Variants in METTL15 observed in about 807,000 individuals in gnomAD.
The protein encoded by METTL15 is 12S rRNA N(4)-cytidine methyltransferase METTL15.
Under a neutral mutation model 38.3 loss-of-function variants are expected in METTL15, and 34 were observed. The observed-to-expected ratio is 0.89, with a 90% CI of 0.68 to 1.18. METTL15 has a LOEUF of 1.18. Ranked by LOEUF, METTL15 falls within the 50% of genes most tolerant of loss-of-function variation. The pLI is 0.00. For missense variants in METTL15, 438 were observed against 498.4 expected, an observed-to-expected ratio of 0.88 and a Z score of 1.15; for synonymous variants, 162 against 170.9, an observed-to-expected ratio of 0.95 and a Z score of 0.41.
At chr11:28,168,051 A>G (rs1399766344) in intron 3 of METTL15, among the ~76,000 whole-genome samples, 4 of 152,218 alleles carry the variant, frequency 2.6e-5, no homozygotes, top group African/African-American at 4.8e-5. Flanking sequence ...TTATTTTTAT[A>G]TACATTTAGG....
intron 5 of METTL15, among the ~76,000 whole-genome samples, chr11:28,366,828 A>G (rs977305538): frequency 6.6e-6 from 1 of 152,204 alleles, no homozygotes; most frequent in Non-Finnish European, 1.5e-5. Context: ...TGCCCCAGCC[A>G]TCATTCCTCC....
At chr11:28,472,246 G>A (rs75195537) in intron 6 of METTL15, among the ~76,000 whole-genome samples, 5,827 of 152,164 alleles carry the variant, frequency 0.038, 374 homozygotes, top group African/African-American at 0.13. Context: ...AATACTAGAG[G>A]CCAAGCATGA....
chr11:28,394,826 A>G (rs1176294171), intron 5 of METTL15, among the ~76,000 whole-genome samples: 6 of 152,120 alleles, frequency 3.9e-5, no homozygotes. Context: ...CTCCTGGACT[A>G]TGAAACAGTC....
chr11:28,511,915 G>A (rs1279041152), intron 6 of METTL15, among the ~76,000 whole-genome samples: 1 of 152,130 alleles, frequency 6.6e-6, no homozygotes, highest in Non-Finnish European at 1.5e-5. Flanking sequence ...TTTACAGAGA[G>A]CGGGAGTGGT....
At chr11:28,442,710 TC>T (rs1851045132) in intron 6 of METTL15, among the ~76,000 whole-genome samples, 1 of 152,200 alleles carries the variant, frequency 6.6e-6, no homozygotes, top group African/African-American at 2.4e-5. Flanking sequence ...GAGGTGAGTT[TC>T]CCCTGGGAAA....
At chr11:28,318,020 C>T (rs1242925379) in intron 6 of METTL15, among the ~76,000 whole-genome samples, 2 of 152,132 alleles carry the variant, frequency 1.3e-5, no homozygotes, top group African/African-American at 4.8e-5. Flanking sequence ...TCCCAATTTG[C>T]GTTTACCAGA....
chr11:28,188,163 T>G (rs1268753105), intron 3 of METTL15, among the ~76,000 whole-genome samples: 1 of 151,318 alleles, frequency 6.6e-6, no homozygotes, highest in East Asian at 1.9e-4. Context: ...GCTTTTTAAA[T>G]GGAAAGACAT....
chr11:28,220,313 T>A (rs568204390), intron 4 of METTL15, among the ~76,000 whole-genome samples: 1 of 152,334 alleles, frequency 6.6e-6, no homozygotes, highest in Admixed American at 6.5e-5. Context: ...TACCATTATG[T>A]AATGGGCTTC....
chr11:28,337,186 TCAA>T (rs746361769), downstream of METTL15, among the ~76,000 whole-genome samples: 7 of 152,130 alleles, frequency 4.6e-5, no homozygotes, highest in Non-Finnish European at 8.8e-5. Context: ...AGTAAGAAAG[TCAA>T]CAAGTTTATA....
At chr11:28,128,057 T>C (rs1407541482) in intron 3 of METTL15, among the ~76,000 whole-genome samples, 3 of 152,156 alleles carry the variant, frequency 2.0e-5, no homozygotes, top group Admixed American at 6.6e-5. Flanking sequence ...TATCTTTTCA[T>C]AGCTATTTTA....
At position 28,295,881 on chromosome 11, in the gene METTL15, C is replaced by T. The variant is rs540248344; in HGVS notation, c.600-872C>T. Among the ~76,000 whole-genome samples, 4 of 152,184 alleles carry T rather than the reference C, an allele frequency of 2.6e-5. 1 individual carries two copies. Among genetic ancestry groups the T allele is most frequent in the East Asian group, 1.9e-4 (1 of 5,162 alleles). On this transcript the variant is annotated intron_variant, in intron 5 of 6. Transcript: ENST00000407364. ...CACAGTCTGTTACCAACAATCAATC[C>T]AGCATATTAACTGTAAGAGCAGTAA...
chr11:28,138,316 T>C (rs1369952279), intron 3 of METTL15, among the ~76,000 whole-genome samples: 1 of 152,212 alleles, frequency 6.6e-6, no homozygotes, highest in African/African-American at 2.4e-5. Flanking sequence ...CATAAAGGCC[T>C]TTTAAATATA....
At chr11:28,471,342 A>C (rs909793888) in intron 6 of METTL15, among the ~76,000 whole-genome samples, 2 of 152,208 alleles carry the variant, frequency 1.3e-5, no homozygotes, top group African/African-American at 4.8e-5. Context: ...GATCGCATGA[A>C]TGCATACATA....
At position 28,330,572 on chromosome 11, in the gene METTL15, C is replaced by G. The variant is rs1283275124; in HGVS notation, c.955C>G (p.Leu319Val). 2 of 1,551,574 alleles carry G rather than the reference C, an allele frequency of 1.3e-6. No homozygotes were observed. Among genetic ancestry groups the G allele is most frequent in the African/African-American group, 2.7e-5 (2 of 73,122 alleles). The change falls in exon 7 of 7, where the codon CTC becomes GTC. Residue 319 changes from leucine to valine, a missense_variant. Transcript: ENST00000407364. The part of the protein sequence containing the change: ...FLRPGGRLVA[L>V]SFHSLEDRIV... ...GAGACCTGGTGGTCGTCTTGTTGCC[C>G]TCTCCTTCCATTCACTAGAGGATCG...
intron 6 of METTL15, among the ~76,000 whole-genome samples, chr11:28,516,634 AT>A (rs1281186021): frequency 6.6e-6 from 1 of 152,182 alleles, no homozygotes; most frequent in Non-Finnish European, 1.5e-5. Flanking sequence ...ATATGATTTA[AT>A]GGAGGAGATA....
intron 6 of METTL15, among the ~76,000 whole-genome samples, chr11:28,435,397 C>T (rs1314917851): frequency 1.3e-5 from 2 of 152,170 alleles, no homozygotes; most frequent in Non-Finnish European, 1.5e-5. Context: ...TCCATGGAAA[C>T]TCTGAACTCT....
intron 3 of METTL15, among the ~76,000 whole-genome samples, chr11:28,168,001 T>C (rs559276455): frequency 3.3e-4 from 50 of 152,258 alleles, no homozygotes; most frequent in Non-Finnish European, 7.1e-4. Flanking sequence ...GAATTAAAAT[T>C]AGAAGATCGA....
chr11:28,299,137 T>C (rs1590287354), intron 6 of METTL15, among the ~76,000 whole-genome samples: 1 of 152,276 alleles, frequency 6.6e-6, no homozygotes, highest in East Asian at 1.9e-4. Context: ...ATAGAACCTA[T>C]AAAAATATAC....
intron 6 of METTL15, among the ~76,000 whole-genome samples, chr11:28,442,785 G>A (rs1242789927): frequency 6.6e-6 from 1 of 151,782 alleles, no homozygotes; most frequent in Non-Finnish European, 1.5e-5. Context: ...TTCGGTTGAG[G>A]GAAAAAATAA....
Sources: gnomAD v4.1 joint callset for allele counts (sites outside exome capture counted in the v4.1 genomes callset) on GRCh38, gnomAD v4.1.1 for gene constraint, MANE v1.5 for transcripts, NCBI Gene and HGNC (gene_info 2026-07-23, HGNC 2026-07-21) for gene names.